Variants in TMC1 observed in about 807,000 individuals in gnomAD.
TMC1 encodes the protein transmembrane channel-like protein 1.
Under a neutral mutation model 105.8 loss-of-function variants are expected in TMC1, and 84 were observed. The observed-to-expected ratio is 0.79, with a 90% CI of 0.67 to 0.95. The LOEUF is 0.95. TMC1 is among the 40% of genes least tolerant of loss of function. The probability of loss-of-function intolerance (pLI) is 0.00; values close to 1 mark genes in which losing one functional copy is unlikely to be tolerated. For synonymous variants in TMC1, 315 were observed against 311.5 expected (o/e 1.01, Z -0.12); for missense variants, 817 against 914.1 (o/e 0.89, Z 1.37).
intron 12 of TMC1, among the ~76,000 whole-genome samples, chr9:72,768,349 G>A (rs778342517): frequency 4.6e-5 from 7 of 152,114 alleles, no homozygotes; most frequent in South Asian, 2.1e-4. Flanking sequence ...GGGAGGGATA[G>A]CATTAGAAGG....
chr9:72,788,507 C>A (rs759777650), intron 14 of TMC1, 24 bp downstream of exon 14: 6 of 1,613,180 alleles, frequency 3.7e-6, no homozygotes, highest in Non-Finnish European at 5.1e-6. Flanking sequence ...CTTCAAAAAC[C>A]TGCTGTTTGT....
At position 72,836,272 on chromosome 9, in the gene TMC1, T is replaced by C; in HGVS notation, c.*299T>C. On this transcript the variant is annotated 3_prime_UTR_variant, in exon 24 of 24. Coordinates refer to ENST00000297784, the MANE Select transcript of TMC1 (RefSeq NM_138691.3). ...TTTAGAAGTGAGTGTAATCCAGCAA[T>C]ACAGTTTACTGGTTTAGTTGGTGGG... The C allele has an allele frequency of 2.4e-6, 1 of 415,136 alleles. No individual in the cohort carries two copies. The highest frequency in any genetic ancestry group is 4.2e-5 in the South Asian group (1 of 24,064). The allele number at this position is 415,136 out of a possible 1,614,324, so 25.7% of individuals were successfully genotyped here.
intron 1 of TMC1, among the ~76,000 whole-genome samples, chr9:72,553,105 C>A (rs4425822): frequency 0.52 from 79,486 of 151,620 alleles, 21,782 homozygotes; most frequent in African/African-American, 0.69. Flanking sequence ...TCCTGAGTAG[C>A]TGGGATTACA....
At chr9:72,804,716 C>T (rs778052351) in intron 17 of TMC1, among the ~76,000 whole-genome samples, 2 of 152,230 alleles carry the variant, frequency 1.3e-5, no homozygotes, top group East Asian at 1.9e-4. Context: ...TTCTTCCCAA[C>T]GTTGTGCCCG....
chr9:72,526,153 G>C (rs142130333), intron 1 of TMC1, among the ~76,000 whole-genome samples: 1 of 152,326 alleles, frequency 6.6e-6, no homozygotes, highest in East Asian at 1.9e-4. Flanking sequence ...AGACAACACT[G>C]AGAACAGAAG....
At chr9:72,548,442 C>A (rs1028529678) in intron 1 of TMC1, among the ~76,000 whole-genome samples, 3 of 151,896 alleles carry the variant, frequency 2.0e-5, no homozygotes, top group Non-Finnish European at 4.4e-5. Flanking sequence ...CATGGTCAGG[C>A]GCACGCCTGT....
At chr9:72,828,729 C>T (rs1343022955) in intron 21 of TMC1, among the ~76,000 whole-genome samples, 1 of 152,160 alleles carries the variant, frequency 6.6e-6, no homozygotes, top group African/African-American at 2.4e-5. Flanking sequence ...AAACTCATGT[C>T]TTCTCCTTAT....
chr9:72,790,491 T>C (rs1828248991), intron 15 of TMC1, among the ~76,000 whole-genome samples: 1 of 152,200 alleles, frequency 6.6e-6, no homozygotes, highest in Non-Finnish European at 1.5e-5. Context: ...CTAAGTTTGC[T>C]TTCAAAATGG....
intron 19 of TMC1, among the ~76,000 whole-genome samples, chr9:72,818,116 G>T (rs1452871380): frequency 6.6e-6 from 1 of 152,110 alleles, no homozygotes; most frequent in Non-Finnish European, 1.5e-5. Context: ...CTGCACAAAG[G>T]TCCTCACACA....
intron 12 of TMC1, among the ~76,000 whole-genome samples, chr9:72,770,304 TTTA>T (rs1367365848): frequency 4.0e-5 from 6 of 148,506 alleles, no homozygotes; most frequent in Non-Finnish European, 7.4e-5. Flanking sequence ...ATATATAAAA[TTTA>T]TTATATCAAT....
intron 5 of TMC1, among the ~76,000 whole-genome samples, chr9:72,676,755 T>G (rs1223853794): frequency 1.2e-4 from 19 of 152,152 alleles, no homozygotes; most frequent in Admixed American, 1.2e-3. Context: ...TTCTTATTCG[T>G]ATTTCTCAGT....
At chr9:72,727,303 A>C (rs1827140030) in intron 8 of TMC1, among the ~76,000 whole-genome samples, 1 of 152,124 alleles carries the variant, frequency 6.6e-6, no homozygotes, top group Admixed American at 6.6e-5. Flanking sequence ...ATGGGCCTAG[A>C]TCTCATTTTT....
intron 5 of TMC1, among the ~76,000 whole-genome samples, chr9:72,673,386 A>G (rs1186633015): frequency 6.6e-6 from 1 of 152,170 alleles, no homozygotes; most frequent in East Asian, 1.9e-4. Context: ...CAGAAAAACA[A>G]AACAAAACAA....
chr9:72,608,702 CAAA>C (rs10548842), intron 2 of TMC1, among the ~76,000 whole-genome samples: 101 of 122,752 alleles, frequency 8.2e-4, no homozygotes, highest in Middle Eastern at 4.3e-3. Context: ...GACTTCATCT[CAAA>C]AAAAAAAAAA....
At chr9:72,627,240 C>T (rs1034914056) in intron 3 of TMC1, among the ~76,000 whole-genome samples, 1 of 152,042 alleles carries the variant, frequency 6.6e-6, no homozygotes, top group Non-Finnish European at 1.5e-5. Flanking sequence ...TTCCTTCTGC[C>T]AGAGCGGTCT....
Position 72,648,428 on chromosome 9 carries a change from C to T in TMC1, c.-52-169C>T, listed in dbSNP as rs138103764. Among the ~76,000 whole-genome samples the T allele has an allele frequency of 2.8e-3, 431 of 152,226 alleles. 1 individual carries two copies. The highest frequency in any genetic ancestry group is 4.4e-3 in the Admixed American group (67 of 15,284). On this transcript the variant is annotated intron_variant, in intron 4 of 23. Coordinates refer to ENST00000297784, the MANE Select transcript of TMC1 (RefSeq NM_138691.3). ...TTCAACCCCTTTGACCTGAGTACTC[C>T]GTCCCTTAAATGGCAAACTAAACAT...
At position 72,772,510 on chromosome 9, in the gene TMC1, TG is replaced by T. The variant is rs758763154; in HGVS notation, c.843del (p.Ile282LeufsTer15). 1 of 1,613,918 alleles carries T rather than the reference TG, an allele frequency of 6.2e-7. No individual in the cohort carries two copies. The highest frequency in any genetic ancestry group is 1.1e-5 in the South Asian group (1 of 91,066). ...AGGTTGCCGCTCTCCTATTTTCTAG[TG>T]GGGATTATGTGCATTGGATACAGCT... ...NFRLPLSYFL[V>X]GIMCIGYSFL... On this transcript the variant is annotated frameshift_variant, in exon 13 of 24. Coordinates refer to ENST00000297784, the MANE Select transcript of TMC1 (RefSeq NM_138691.3). LOFTEE classifies it high-confidence loss of function.
intron 1 of TMC1, among the ~76,000 whole-genome samples, chr9:72,531,255 T>C (rs1217744194): frequency 1.3e-5 from 2 of 152,220 alleles, no homozygotes; most frequent in Non-Finnish European, 2.9e-5. Context: ...TTGTCTACTT[T>C]CATTGTTTTT....
chr9:72,820,405 G>GT (rs1828847842), intron 19 of TMC1, among the ~76,000 whole-genome samples: 6 of 152,206 alleles, frequency 3.9e-5, no homozygotes, highest in Admixed American at 3.3e-4. Flanking sequence ...CAAATGTACA[G>GT]TTTTTTTGAG....
Sources: gnomAD v4.1 joint callset for allele counts (sites outside exome capture counted in the v4.1 genomes callset) on GRCh38, gnomAD v4.1.1 for gene constraint, MANE v1.5 for transcripts, NCBI Gene and HGNC (gene_info 2026-07-23, HGNC 2026-07-21) for gene names.